KDM7A: variants seen among roughly 807,000 people sequenced by gnomAD.
The protein encoded by KDM7A is lysine demethylase 7A, also known as lysine-specific demethylase 7A.
A neutral mutation model predicts 114.8 loss-of-function variants in KDM7A; 28 were observed. That is an observed-to-expected ratio of 0.24 (90% CI 0.18 to 0.33). The LOEUF is 0.33. Ranked by LOEUF, KDM7A falls within the 10% of genes least tolerant of loss-of-function variation. The pLI is 1.00. For missense variants in KDM7A, 942 were observed against 1,142.5 expected, an observed-to-expected ratio of 0.82 and a Z score of 2.53; for synonymous variants, 423 against 397.8, an observed-to-expected ratio of 1.06 and a Z score of -0.75.
At chr7:140,151,809 A>G (rs542220740) in intron 1 of KDM7A, among the ~76,000 whole-genome samples, 91 of 152,240 alleles carry the variant, frequency 6.0e-4, no homozygotes, top group Admixed American at 1.6e-3. Flanking sequence ...AGATGAATGA[A>G]TAAGCATCTG....
At chr7:140,117,715 C>T (rs1167645285) in intron 9 of KDM7A, among the ~76,000 whole-genome samples, 2 of 152,170 alleles carry the variant, frequency 1.3e-5, no homozygotes, top group African/African-American at 4.8e-5. Flanking sequence ...ACTATAAACT[C>T]TATTGTCCAG....
chr7:140,175,727 G>A (rs552528613), intron 1 of KDM7A, among the ~76,000 whole-genome samples: 1 of 152,106 alleles, frequency 6.6e-6, no homozygotes, highest in Non-Finnish European at 1.5e-5. Context: ...CGTCAAACCC[G>A]GAGCGCGGCG....
Position 140,176,845 on chromosome 7 carries a change from C to G in KDM7A, c.93G>C (p.Ala31=), listed in dbSNP as rs1794717218. The G allele has an allele frequency of 1.5e-6, 2 of 1,314,404 alleles. No homozygotes were observed. Among genetic ancestry groups the G allele is most frequent in the Non-Finnish European group, 2.0e-6 (2 of 1,014,320 alleles). The allele number at this position is 1,314,404 out of a possible 1,614,324, so 81.4% of individuals were successfully genotyped here. A position where few individuals can be genotyped will look rare whatever the true frequency, so the allele number is the denominator to read the frequency against. ...AGTACACGGGCGGGGGCGGCGGAGG[C>G]GCCGAGGCCCGGCCGGGAGCCGCCA... ...VSVAAPGRAS[A]PPPPPPVYCV... Residue 31 remains alanine (A), a synonymous_variant, in exon 1 of 20, where the codon GCG becomes GCC. Coordinates refer to ENST00000397560, the MANE Select transcript of KDM7A (RefSeq NM_030647.2). The surrounding 1 kb of genome is among the most constrained non-coding windows in gnomAD (Gnocchi z 4.4).
At chr7:140,175,563 G>T (rs929556981) in intron 1 of KDM7A, among the ~76,000 whole-genome samples, 2 of 152,242 alleles carry the variant, frequency 1.3e-5, no homozygotes, top group African/African-American at 4.8e-5. Flanking sequence ...GACTTTGGGA[G>T]CCCAACCCCA....
At position 140,087,749 on chromosome 7, in the gene KDM7A, T is replaced by C. The variant is rs1019947584; in HGVS notation, c.*3345A>G. ...TTCCTTGCATGCTACACCAAGTCCC[T>C]GTATGACCATATTAATTACCAAGTT... On this transcript the variant is annotated 3_prime_UTR_variant, in exon 20 of 20. Transcript: ENST00000397560. The C allele has an allele frequency of 1.8e-4, 27 of 152,238 alleles. No homozygotes were observed. The highest frequency in any genetic ancestry group is 6.3e-4 in the African/African-American group (26 of 41,466). The allele number at this position is 152,238 out of a possible 1,614,324, so 9.4% of individuals were successfully genotyped here.
At chr7:140,104,760 T>A (rs1207464639) in intron 11 of KDM7A, among the ~76,000 whole-genome samples, 1 of 152,216 alleles carries the variant, frequency 6.6e-6, no homozygotes, top group Non-Finnish European at 1.5e-5. Context: ...TGCTTAGGAT[T>A]GTCTTGGCAA....
At chr7:140,152,963 G>A (rs1248197941) in intron 1 of KDM7A, among the ~76,000 whole-genome samples, 2 of 151,816 alleles carry the variant, frequency 1.3e-5, no homozygotes, top group Non-Finnish European at 2.9e-5. Context: ...GGGTTCAAGC[G>A]ATTCTTGTGC....
intron 11 of KDM7A, among the ~76,000 whole-genome samples, chr7:140,109,073 C>T (rs755535894): frequency 6.6e-5 from 10 of 152,138 alleles, no homozygotes; most frequent in African/African-American, 2.2e-4. Context: ...TCGGAGCCAG[C>T]GCAGGATATA....
intron 1 of KDM7A, among the ~76,000 whole-genome samples, chr7:140,174,889 A>G (rs896215545): frequency 6.6e-6 from 1 of 152,210 alleles, no homozygotes; most frequent in East Asian, 1.9e-4. Flanking sequence ...TGCTGGGATT[A>G]CAGGCGTGAG....
At chr7:140,163,431 C>T (rs1794541868) in intron 1 of KDM7A, among the ~76,000 whole-genome samples, 1 of 152,120 alleles carries the variant, frequency 6.6e-6, no homozygotes, top group African/African-American at 2.4e-5. Context: ...ACTACAGGCA[C>T]ATGCCACCAC....
intron 1 of KDM7A, among the ~76,000 whole-genome samples, chr7:140,173,682 T>C (rs1276992444): frequency 1.3e-5 from 2 of 152,154 alleles, no homozygotes; most frequent in East Asian, 3.9e-4. Context: ...AATCTAAGCA[T>C]GGTAAAGATA....
intron 17 of KDM7A, among the ~76,000 whole-genome samples, chr7:140,096,041 G>T (rs1390169944): frequency 6.6e-6 from 1 of 152,034 alleles, no homozygotes; most frequent in Admixed American, 6.6e-5. Flanking sequence ...GGCTTTTTGG[G>T]ATACAAACAT....
intron 1 of KDM7A, among the ~76,000 whole-genome samples, chr7:140,160,540 T>C (rs975967511): frequency 6.6e-6 from 1 of 152,136 alleles, no homozygotes; most frequent in African/African-American, 2.4e-5. Flanking sequence ...CCATTTAGGA[T>C]TTTTCAACTT....
chr7:140,157,827 G>C (rs993084032), intron 1 of KDM7A, among the ~76,000 whole-genome samples: 4 of 151,440 alleles, frequency 2.6e-5, no homozygotes, highest in African/African-American at 9.7e-5. Context: ...AAATTAGTCA[G>C]GTGTGGTGGC....
At position 140,086,147 on chromosome 7, in the gene KDM7A, AC is replaced by A. The variant is rs1817920599; in HGVS notation, c.*4946del. ...GAAAGAGAAGTGAATTCAGAGTGTC[AC>A]AGGTCTTGCATAGGTAAACTACTTG... On this transcript the variant is annotated 3_prime_UTR_variant, in exon 20 of 20. Coordinates refer to ENST00000397560, the MANE Select transcript of KDM7A (RefSeq NM_030647.2). The A allele has an allele frequency of 1.3e-5, 2 of 152,236 alleles. No individual in the cohort carries two copies. 9.4% of individuals were successfully genotyped at this position (152,236 alleles called of 1,614,324 possible).
intron 6 of KDM7A, among the ~76,000 whole-genome samples, chr7:140,125,076 T>C (rs1818677641): frequency 6.6e-6 from 1 of 152,200 alleles, no homozygotes; most frequent in Non-Finnish European, 1.5e-5. Flanking sequence ...CCTCCTCTCA[T>C]TGTCAAATAG....
rs771650432 is a variant in KDM7A at position 140,139,134 on chromosome 7, T to A, written c.251A>T (p.Asn84Ile). 5.0e-5 allele frequency: 81 copies of A among 1,613,252 alleles called. No individual in the cohort carries two copies. The highest frequency in any genetic ancestry group is 8.5e-7 in the Non-Finnish European group (1 of 1,179,492). ...GGAGGAACCATGTAAAACTGCACAG[T>A]TGGGACAGTGATACAGGTCAATGTC... ...AVDIDLYHCP[N>I]CAVLHGSSLM... Residue 84 changes from asparagine to isoleucine, a missense_variant, in exon 2 of 20, where the codon AAC (asparagine) becomes ATC (isoleucine). By Grantham distance (149) the Asn-to-Ile change is moderately radical (BLOSUM62 -3). Coordinates refer to ENST00000397560, the MANE Select transcript of KDM7A (RefSeq NM_030647.2).
intron 12 of KDM7A, 117 bp from the exon 13 acceptor site, chr7:140,100,140 G>A: frequency 9.5e-7 from 1 of 1,048,774 alleles, no homozygotes; most frequent in Non-Finnish European, 1.4e-6. Context: ...GATACAGGCA[G>A]CCACCTGGGC....
At chr7:140,125,702 G>A (rs1353360133) in intron 6 of KDM7A, among the ~76,000 whole-genome samples, 1 of 151,278 alleles carries the variant, frequency 6.6e-6, no homozygotes, top group Non-Finnish European at 1.5e-5. Flanking sequence ...GAGTAGCTGC[G>A]ACTACAGGCA....
Sources: gnomAD v4.1 joint callset for allele counts (sites outside exome capture counted in the v4.1 genomes callset) on GRCh38, gnomAD v4.1.1 for gene constraint, Gnocchi (gnomAD v3.1) non-coding constraint, MANE v1.5 for transcripts, NCBI Gene and HGNC (gene_info 2026-07-23, HGNC 2026-07-21) for gene names.